Variants in TTC9C observed in about 807,000 individuals in gnomAD.
The protein encoded by TTC9C is tetratricopeptide repeat protein 9C.
TTC9C carries 15 observed loss-of-function variants against 22.5 expected under a neutral mutation model. That is an observed-to-expected ratio of 0.67 (90% confidence interval 0.45 to 1.03). TTC9C has a LOEUF of 1.03. Ranked by LOEUF, TTC9C falls within the 50% of genes least tolerant of loss-of-function variation. The pLI is 0.00. For missense variants in TTC9C, 244 were observed against 214.6 expected, an observed-to-expected ratio of 1.14 and a Z score of -0.86; for synonymous variants, 92 against 86.8, an observed-to-expected ratio of 1.06 and a Z score of -0.33.
intron 1 of TTC9C, among the ~76,000 whole-genome samples, chr11:62,731,989 CTT>C (rs58705402): frequency 1.4e-3 from 87 of 63,216 alleles, no homozygotes; most frequent in African/African-American, 5.7e-3. Context: ...CTGGTCAGCA[CTT>C]TTTTTTTTTT....
Position 62,729,082 on chromosome 11 carries a change from A to G in TTC9C, c.234A>G (p.Leu78=). ...HTTQTDCYNN[L]AACLLQMEPV... ...CCCAGACAGACTGCTATAACAATCT[A>G]GCTGGTAAGAACGGGGCTAAAGGGT... Residue 78 remains leucine, a synonymous_variant, in exon 1 of 3, where the codon CTA becomes CTG. Transcript: ENST00000316461. 6.2e-7 allele frequency: 1 copy of G among 1,613,786 alleles called. No homozygotes were observed. Among genetic ancestry groups the G allele is most frequent in the Admixed American group, 1.7e-5 (1 of 60,010 alleles).
intron 1 of TTC9C, among the ~76,000 whole-genome samples, chr11:62,732,566 C>T (rs947682830): frequency 6.7e-6 from 1 of 149,496 alleles, no homozygotes; most frequent in Non-Finnish European, 1.5e-5. Flanking sequence ...ACCAAGATCG[C>T]GCCATTGCAC....
rs1352636383 is a variant in TTC9C at position 62,737,398 on chromosome 11, GACTT to G, written c.422-885_422-882del. Among the ~76,000 whole-genome samples, 5 of 152,210 alleles carry G rather than the reference GACTT, an allele frequency of 3.3e-5. No individual in the cohort carries two copies. The South Asian group carries it at 1.0e-3, about 32-fold the overall frequency. On this transcript the variant is annotated intron_variant, in intron 2 of 2. Transcript: ENST00000316461. The stretch of plus-strand genomic sequence containing the variant: ...GCAGTCCTGCTGAGAGAGAATTTGG[GACTT>G]ACTTTGTTTCCAAGGCAAAAAGGAT...
intron 2 of TTC9C, among the ~76,000 whole-genome samples, chr11:62,736,703 A>T (rs1287651137): frequency 6.6e-6 from 1 of 151,412 alleles, no homozygotes; most frequent in African/African-American, 2.4e-5. Context: ...CGGAAAAAAA[A>T]AAAAAAGCTG....
intron 1 of TTC9C, among the ~76,000 whole-genome samples, chr11:62,734,132 CTACAAAAA>C (rs1340625734): frequency 6.6e-6 from 1 of 151,442 alleles, no homozygotes; most frequent in Non-Finnish European, 1.5e-5. Flanking sequence ...AAACCCATCT[CTACAAAAA>C]TACAAAAATT....
At chr11:62,728,453 G>T (rs889546194), upstream of TTC9C, 24 of 464,026 alleles carry the variant, frequency 5.2e-5, no homozygotes, top group East Asian at 1.1e-3. Context: ...TTCCAGGTCG[G>T]GGGGGGGCGG....
chr11:62,738,099 ATTG>A (rs1458841628), intron 2 of TTC9C, among the ~76,000 whole-genome samples, 186 bp from the exon 3 acceptor site: 2 of 138,020 alleles, frequency 1.4e-5, no homozygotes, highest in Non-Finnish European at 3.1e-5. Context: ...CGGGACAGAG[ATTG>A]TTTTTTTTCA....
intron 2 of TTC9C, 28 bp from the exon 3 acceptor site, chr11:62,738,260 T>G: frequency 6.8e-7 from 1 of 1,474,216 alleles, no homozygotes; most frequent in Non-Finnish European, 9.4e-7. Flanking sequence ...TCTAACTGTT[T>G]CTAATTGCTT....
rs2083804063 is a variant in TTC9C at position 62,728,916 on chromosome 11, A to C, written c.68A>C (p.Lys23Thr). ...GGGAACCAGCGCTACCGGGAAGGGAAGTACCGAGATGCTGTGAGTAGGTAC... is the reference window on the plus strand; with the variant it reads ...GGGAACCAGCGCTACCGGGAAGGGACGTACCGAGATGCTGTGAGTAGGTAC... ...EEGNQRYREG[K>T]YRDAVSRYHR... Residue 23 changes from lysine to threonine, a missense_variant, in exon 1 of 3, where the codon AAG becomes ACG. Physicochemically the swap from Lys to Thr is moderately conservative, Grantham distance 78. Coordinates refer to ENST00000316461, the MANE Select transcript of TTC9C (RefSeq NM_173810.4). The C allele has an allele frequency of 1.9e-6, 3 of 1,614,070 alleles. No homozygotes were observed. Among genetic ancestry groups the C allele is most frequent in the Non-Finnish European group, 2.5e-6 (3 of 1,180,036 alleles).
intron 1 of TTC9C, among the ~76,000 whole-genome samples, chr11:62,729,760 G>C (rs2083824997): frequency 6.6e-6 from 1 of 151,948 alleles, no homozygotes; most frequent in Non-Finnish European, 1.5e-5. Context: ...ATTTTTAGTA[G>C]AGACGGGGTT....
In TTC9C at chr11:62,738,628, G is replaced by C; in HGVS notation, c.*246G>C. On this transcript the variant is annotated 3_prime_UTR_variant, in exon 3 of 3. Coordinates refer to ENST00000316461, the MANE Select transcript of TTC9C (RefSeq NM_173810.4). ...ATATTTGGCTTGAGAAATATAATCA[G>C]AAAACATACATCAGTTGTGGGTGGA... The C allele has an allele frequency of 2.7e-6, 1 of 369,056 alleles. No individual in the cohort carries two copies. Among genetic ancestry groups the C allele is most frequent in the African/African-American group, 2.1e-5 (1 of 48,512 alleles). 22.9% of individuals were successfully genotyped at this position (369,056 alleles called of 1,614,324 possible). A position where few individuals can be genotyped will look rare whatever the true frequency, so the allele number is the denominator to read the frequency against.
chr11:62,728,982 T>C lies in TTC9C; in HGVS notation c.134T>C (p.Leu45Pro), dbSNP rs780390246. The C allele has an allele frequency of 1.2e-6, 2 of 1,614,158 alleles. No individual in the cohort carries two copies. Among genetic ancestry groups the C allele is most frequent in the Non-Finnish European group, 1.7e-6 (2 of 1,180,036 alleles). The change falls in exon 1 of 3, where the codon CTG becomes CCG. Residue 45 changes from leucine to proline, a missense_variant. Physicochemically the swap from Leu to Pro is moderately conservative, Grantham distance 98. Transcript: ENST00000316461. ...LLQLRGLDPS[L>P]PSPLPNLGPQ... The stretch of plus-strand genomic sequence containing the variant: ...CAGCTGCGGGGTCTGGATCCGAGTC[T>C]GCCCTCTCCGTTACCTAATCTCGGA...
chr11:62,733,344 G>A (rs1312890236), intron 1 of TTC9C: 3 of 354,784 alleles, frequency 8.5e-6, no homozygotes, highest in Non-Finnish European at 1.5e-5. Flanking sequence ...TCTTAGACAA[G>A]TTATTTGTCT....
chr11:62,737,752 T>A (rs1044983910), intron 2 of TTC9C, among the ~76,000 whole-genome samples: 1 of 152,106 alleles, frequency 6.6e-6, no homozygotes, highest in Non-Finnish European at 1.5e-5. Flanking sequence ...GCAACCAGTG[T>A]CCAGGCATGG....
chr11:62,733,971 G>T (rs552062196), intron 1 of TTC9C, among the ~76,000 whole-genome samples: 1 of 152,036 alleles, frequency 6.6e-6, no homozygotes, highest in Admixed American at 6.6e-5. Flanking sequence ...CAGCCTGCAC[G>T]ACAGAGCGAG....
In TTC9C at chr11:62,728,888, G is replaced by A. The variant is rs778434978; in HGVS notation, c.40G>A (p.Glu14Lys). The change falls in exon 1 of 3, where the codon GAA becomes AAA. Residue 14 changes from glutamate to lysine, a missense_variant. Coordinates refer to ENST00000316461, the MANE Select transcript of TTC9C (RefSeq NM_173810.4). Reference protein sequence around the residue: ...RLQEAQLYKEEGNQRYREGKY... With the variant: ...RLQEAQLYKEKGNQRYREGKY... The stretch of plus-strand genomic sequence containing the variant: ...GCAGGAGGCTCAGCTGTACAAGGAG[G>A]AAGGGAACCAGCGCTACCGGGAAGG... 8 of 1,614,166 alleles carry A rather than the reference G, an allele frequency of 5.0e-6. No homozygotes were observed. In the South Asian group the frequency reaches 8.8e-5, roughly 18 times the overall value.
In TTC9C at chr11:62,728,767, A is replaced by G. The variant is rs532468265; in HGVS notation, c.-82A>G. ...TTCCTGCCTCCTTAAATTGGCTGCT[A>G]CTGTCAGTTATTTTGCTCCCAACCC... On this transcript the variant is annotated 5_prime_UTR_variant, in exon 1 of 3. Transcript: ENST00000316461. 6.0e-6 allele frequency: 8 copies of G among 1,339,258 alleles called. No individual in the cohort carries two copies. The highest frequency in any genetic ancestry group is 5.2e-5 in the Admixed American group (3 of 57,250). 83.0% of individuals were successfully genotyped at this position (1,339,258 alleles called of 1,614,324 possible). A position where few individuals can be genotyped will look rare whatever the true frequency, so the allele number is the denominator to read the frequency against.
chr11:62,729,509 C>T (rs1158669828), intron 1 of TTC9C, among the ~76,000 whole-genome samples: 3 of 151,646 alleles, frequency 2.0e-5, no homozygotes, highest in Non-Finnish European at 4.4e-5. Context: ...AGCAATTCTC[C>T]TGTCTTAGCC....
intron 2 of TTC9C, 119 bp downstream of exon 2, chr11:62,735,683 A>G: frequency 6.4e-6 from 9 of 1,412,434 alleles, no homozygotes; most frequent in East Asian, 5.1e-5. Context: ...ATACATTCAC[A>G]TGGTTGAGAA....
Sources: gnomAD v4.1 joint callset for allele counts (sites outside exome capture counted in the v4.1 genomes callset) on GRCh38, gnomAD v4.1.1 for gene constraint, MANE v1.5 for transcripts, NCBI Gene and HGNC (gene_info 2026-07-23, HGNC 2026-07-21) for gene names.